MALT1: variants seen among roughly 807,000 people sequenced by gnomAD.
MALT1 encodes mucosa-associated lymphoid tissue lymphoma translocation protein 1.
MALT1 carries 36 observed loss-of-function variants against 85.5 expected under a neutral mutation model. The observed-to-expected ratio is 0.42, with a 90% CI of 0.32 to 0.56. The LOEUF (loss-of-function observed/expected upper bound fraction) is 0.56, where lower values mean the gene tolerates loss of function less well. MALT1 is among the 20% of genes least tolerant of loss of function. The pLI is 0.10. For missense variants in MALT1, 716 were observed against 981.6 expected (o/e 0.73, Z 3.62); for synonymous variants, 359 against 361.3 (o/e 0.99, Z 0.07).
chr18:58,708,100 G>T (rs1169641494), intron 4 of MALT1, among the ~76,000 whole-genome samples: 1 of 152,168 alleles, frequency 6.6e-6, no homozygotes, highest in East Asian at 1.9e-4. Flanking sequence ...GAAAGCAAAG[G>T]CACTGCATTC....
chr18:58,685,793 C>A (rs1409429860), intron 2 of MALT1, among the ~76,000 whole-genome samples: 1 of 151,976 alleles, frequency 6.6e-6, no homozygotes, highest in Non-Finnish European at 1.5e-5. Flanking sequence ...GGTGTTCATC[C>A]CATTTTCCAG....
intron 10 of MALT1, among the ~76,000 whole-genome samples, chr18:58,725,072 G>A (rs1230670100): frequency 6.6e-6 from 1 of 150,812 alleles, no homozygotes; most frequent in Non-Finnish European, 1.5e-5. Context: ...GAAGGTTGCA[G>A]TAAGCCGAGA....
At chr18:58,693,476 TAAAC>T (rs1235962718) in intron 2 of MALT1, among the ~76,000 whole-genome samples, 5 of 152,136 alleles carry the variant, frequency 3.3e-5, no homozygotes, top group Non-Finnish European at 7.4e-5. Context: ...ATGGCTATAA[TAAAC>T]AGATTTTTCA....
chr18:58,734,451 G>A (rs1195277439), intron 12 of MALT1, 70 bp downstream of exon 12: 19 of 1,234,806 alleles, frequency 1.5e-5, no homozygotes, highest in Non-Finnish European at 2.2e-5. Context: ...TGCTTTTTAG[G>A]AGCAGGGGTC....
intron 10 of MALT1, among the ~76,000 whole-genome samples, chr18:58,724,462 A>AT (rs976458961): frequency 6.6e-6 from 1 of 152,126 alleles, no homozygotes; most frequent in Non-Finnish European, 1.5e-5. Context: ...GAATCCATCC[A>AT]TTTTTTTCTT....
At chr18:58,711,041 G>C in intron 7 of MALT1, 88 bp downstream of exon 7, 1 of 792,240 alleles carries the variant, frequency 1.3e-6, no homozygotes, top group Non-Finnish European at 2.0e-6. Flanking sequence ...ACTGAGTGCA[G>C]TGATGGAAAA....
chr18:58,684,306 T>A (rs1240897712), intron 2 of MALT1, among the ~76,000 whole-genome samples: 1 of 152,236 alleles, frequency 6.6e-6, no homozygotes, highest in Non-Finnish European at 1.5e-5. Context: ...TAGGAATTGG[T>A]TGTTGCTTGA....
chr18:58,683,609 A>G (rs1197000587), intron 2 of MALT1, among the ~76,000 whole-genome samples: 1 of 152,264 alleles, frequency 6.6e-6, no homozygotes, highest in Admixed American at 6.5e-5. Context: ...TAAAAATAAC[A>G]CAATATTTTA....
At chr18:58,726,452 G>A (rs1005508441) in intron 10 of MALT1, among the ~76,000 whole-genome samples, 6 of 152,296 alleles carry the variant, frequency 3.9e-5, no homozygotes, top group Non-Finnish European at 8.8e-5. Context: ...CTTGAGGGCT[G>A]TGGGGGAAGA....
At chr18:58,730,961 T>C (rs1409337463) in intron 10 of MALT1, among the ~76,000 whole-genome samples, 1 of 152,202 alleles carries the variant, frequency 6.6e-6, no homozygotes, top group Non-Finnish European at 1.5e-5. Context: ...CATTAGTCTT[T>C]TTTTTTTGAG....
chr18:58,713,812 T>G (rs2054864854), intron 7 of MALT1, among the ~76,000 whole-genome samples: 1 of 152,184 alleles, frequency 6.6e-6, no homozygotes, highest in Admixed American at 6.5e-5. Flanking sequence ...AGCCAGAATA[T>G]CTAAAACTAT....
intron 14 of MALT1, among the ~76,000 whole-genome samples, chr18:58,743,788 TTTAAAAA>T (rs1358920367): frequency 3.3e-5 from 5 of 152,220 alleles, no homozygotes; most frequent in African/African-American, 1.2e-4. Flanking sequence ...AGACAAATGT[TTTAAAAA>T]TTAATACTCT....
chr18:58,692,492 C>T (rs990767033), intron 2 of MALT1, among the ~76,000 whole-genome samples: 1 of 150,200 alleles, frequency 6.7e-6, no homozygotes, highest in Non-Finnish European at 1.5e-5. Context: ...CCCACCTCCC[C>T]ACTCCCTCTT....
In MALT1 at chr18:58,734,335, T is replaced by G. The variant is rs756679089; in HGVS notation, c.1429T>G (p.Leu477Val). The G allele has an allele frequency of 1.4e-5, 23 of 1,613,682 alleles. No individual in the cohort carries two copies. Among genetic ancestry groups the G allele is most frequent in the Non-Finnish European group, 2.5e-6 (3 of 1,179,670 alleles). The change falls in exon 12 of 17, where the codon TTG becomes GTG. Residue 477 changes from leucine (L) to valine (V), a missense_variant. This residue lies in a region of MALT1 where 86 missense variants were observed against 212.3 expected (regional missense o/e 0.41). Transcript: ENST00000649217. ...RNDYDDTIPI[L>V]DALKVTANIV... ...TGACTACGATGATACCATTCCAATC[T>G]TGGATGCACTAAAAGTCACCGCCAA...
intron 9 of MALT1, among the ~76,000 whole-genome samples, chr18:58,722,111 T>A (rs543979982): frequency 1.8e-4 from 26 of 144,512 alleles, no homozygotes; most frequent in Non-Finnish European, 3.4e-4. Flanking sequence ...TTCTTTATTT[T>A]TTTTTTTTTA....
At position 58,747,518 on chromosome 18, in the gene MALT1, GC is replaced by G. The variant is rs1381875884; in HGVS notation, c.2152del (p.His718IlefsTer88). 1 of 1,614,102 alleles carries G rather than the reference GC, an allele frequency of 6.2e-7. No individual in the cohort carries two copies. The highest frequency in any genetic ancestry group is 1.7e-5 in the Admixed American group (1 of 60,018). ...GKPLIAKLDM[H>X]RGLGRKTCFQ... ...AACCTCTCATTGCTAAATTAGACAT[GC>G]ATCGAGGTTTGGGAAGGAAGACTTG... On this transcript the variant is annotated frameshift_variant, in exon 17 of 17. Coordinates refer to ENST00000649217, the MANE Select transcript of MALT1 (RefSeq NM_006785.4). LOFTEE classifies it low-confidence loss of function (END_TRUNC).
rs1568161480 is a variant in MALT1, at chr18:58,750,774, G to C, written c.*2932G>C. On this transcript the variant is annotated 3_prime_UTR_variant, in exon 17 of 17. Coordinates refer to ENST00000649217, the MANE Select transcript of MALT1 (RefSeq NM_006785.4). ...CTCAATATAAGAGTTTAAACTCTTA[G>C]AAGAAAACAGAAGTAAATCTTTGTG... 1 of 152,120 alleles carries C rather than the reference G, an allele frequency of 6.6e-6. No homozygotes were observed. 9.4% of individuals were successfully genotyped at this position (152,120 alleles called of 1,614,324 possible).
intron 10 of MALT1, among the ~76,000 whole-genome samples, chr18:58,732,522 G>A (rs1486197994): frequency 6.6e-6 from 1 of 152,160 alleles, no homozygotes; most frequent in East Asian, 1.9e-4. Flanking sequence ...TCCCATCTCT[G>A]ATTATAAAAC....
At chr18:58,701,964 A>G (rs1003943527) in intron 4 of MALT1, among the ~76,000 whole-genome samples, 1 of 152,216 alleles carries the variant, frequency 6.6e-6, no homozygotes, top group Non-Finnish European at 1.5e-5. Context: ...AGAGACGGAA[A>G]TATTTCCATC....
Sources: allele counts gnomAD v4.1 joint callset (sites outside exome capture counted in the v4.1 genomes callset), GRCh38; gene constraint gnomAD v4.1.1; regional missense constraint gnomAD v4.1.1; transcripts MANE v1.5; gene names NCBI Gene and HGNC (gene_info 2026-07-23, HGNC 2026-07-21).